XIST: variants seen among roughly 807,000 people sequenced by gnomAD.
The protein encoded by XIST is X inactive specific transcript, also known as X inactive specific transcript (non-protein coding).
At chrX:73,822,735 A>G in exon 6 of XIST, 1 of 547,307 alleles carries the variant, frequency 1.8e-6, no homozygotes, top group Non-Finnish European at 3.3e-6. Flanking sequence ...TGGAGCAGAT[A>G]TATTTCATTT....
exon 1 of XIST, chrX:73,851,659 G>A (rs762143119): frequency 1.8e-6 from 1 of 558,640 alleles, no homozygotes; most frequent in Non-Finnish European, 3.2e-6. Context: ...CAACAATCAC[G>A]CAAAGCTCCT....
chrX:73,838,824 C>T (rs972450909), intron 1 of XIST, among the ~76,000 whole-genome samples: 2 of 111,454 alleles, frequency 1.8e-5, no homozygotes, highest in Non-Finnish European at 3.8e-5. Flanking sequence ...GTGTAAAATG[C>T]TACTTGCCTA....
At chrX:73,845,467 G>C (rs770877137) in exon 1 of XIST, 20 of 549,865 alleles carry the variant, frequency 3.6e-5, no homozygotes, top group Non-Finnish European at 2.6e-5. Context: ...AAATGTAAGG[G>C]TATATGGAGT....
exon 1 of XIST, chrX:73,842,558 T>C (rs926895953): frequency 1.8e-6 from 1 of 558,749 alleles, no homozygotes; most frequent in African/African-American, 2.2e-5. Flanking sequence ...TAGTCAACAC[T>C]GCACCAACAC....
At chrX:73,846,875 CAA>C in exon 1 of XIST, 1 of 558,912 alleles carries the variant, frequency 1.8e-6, no homozygotes. Context: ...TGCAATAAAG[CAA>C]AGAGGGTGTG....
exon 1 of XIST, chrX:73,848,118 C>A (rs778851895): frequency 3.6e-6 from 2 of 558,606 alleles, no homozygotes; most frequent in Non-Finnish European, 6.5e-6. Context: ...GTGATTAGCA[C>A]CCTCTACTGT....
At chrX:73,842,351 T>C in exon 1 of XIST, 1 of 553,391 alleles carries the variant, frequency 1.8e-6, no homozygotes, top group Non-Finnish European at 3.3e-6. Context: ...TAGTGTACAC[T>C]GGAAACACAA....
At chrX:73,848,042 G>C in exon 1 of XIST, 2 of 559,301 alleles carry the variant, frequency 3.6e-6, no homozygotes, top group Non-Finnish European at 6.5e-6. Context: ...AGTGAGTGGG[G>C]TCTTTAGTGC....
chrX:73,832,801 C>T (rs773894521), intron 3 of XIST, among the ~76,000 whole-genome samples: 1 of 110,717 alleles, frequency 9.0e-6, no homozygotes, highest in Non-Finnish European at 1.9e-5. Context: ...TGAAACAGGC[C>T]GAACTCATTA....
chrX:73,843,911 A>T, exon 1 of XIST: 1 of 557,883 alleles, frequency 1.8e-6, no homozygotes, highest in Non-Finnish European at 3.2e-6. Flanking sequence ...ATCTACTGAC[A>T]AAGACAAAAG....
chrX:73,839,483 G>A (rs769510074), intron 1 of XIST, among the ~76,000 whole-genome samples: 3 of 111,200 alleles, frequency 2.7e-5, no homozygotes, highest in South Asian at 3.8e-4. Context: ...TAGCAGTCTC[G>A]AGATGGTCAG....
exon 1 of XIST, chrX:73,846,332 G>T: frequency 1.8e-6 from 1 of 558,574 alleles, no homozygotes; most frequent in South Asian, 2.2e-5. Flanking sequence ...TACGCACCTT[G>T]ACTGTCCAAA....
At chrX:73,852,679 T>A (rs772667938) in exon 1 of XIST, 2 of 460,941 alleles carry the variant, frequency 4.3e-6, no homozygotes, top group African/African-American at 5.0e-5. Context: ...AGATCTTCAG[T>A]CAGGAAGCTT....
chrX:73,841,877 TAAGTAG>T (rs1245741775), exon 1 of XIST: 2 of 513,823 alleles, frequency 3.9e-6, no homozygotes, highest in African/African-American at 4.6e-5. Context: ...CTTCTTGAAA[TAAGTAG>T]GGGCAGGTGC....
At chrX:73,850,683 G>C (rs747134966) in exon 1 of XIST, 1 of 281,496 alleles carries the variant, frequency 3.6e-6, no homozygotes, top group South Asian at 3.5e-5. Context: ...GCAGACCAGA[G>C]GGGGGTAGGG....
rs142608576 is a variant in XIST at position 73,826,418 on chromosome X, G to A, written n.13483C>T. On this transcript the variant is annotated non_coding_transcript_exon_variant, in exon 6 of 6. Coordinates refer to ENST00000429829, the Ensembl canonical transcript of XIST. ...GGTGTCTCTCTCAAGTGGAGAAGATGTGAATAGAAACAGAAGTTTACAAAA... is the reference window on the plus strand; with the variant it reads ...GGTGTCTCTCTCAAGTGGAGAAGATATGAATAGAAACAGAAGTTTACAAAA... 63 of 556,069 alleles carry A rather than the reference G, an allele frequency of 1.1e-4. 1 individual carries two copies. Among genetic ancestry groups the A allele is most frequent in the Middle Eastern group, 3.1e-4 (1 of 3,247 alleles). The allele number at this position is 556,069 out of a possible 1,213,427, so 45.8% of individuals were successfully genotyped here.
exon 6 of XIST, chrX:73,827,098 T>C (rs745957634): frequency 5.4e-6 from 3 of 558,856 alleles, no homozygotes; most frequent in Non-Finnish European, 6.5e-6. Context: ...CTTTGGGCCT[T>C]CTATCCATAT....
intron 5 of XIST, chrX:73,828,787 T>C (rs1922319228): frequency 1.5e-5 from 3 of 194,834 alleles, no homozygotes; most frequent in Non-Finnish European, 2.8e-5. Flanking sequence ...CTTCTCAACG[T>C]TTAAGGCTCT....
exon 1 of XIST, chrX:73,845,647 G>A: frequency 1.8e-6 from 1 of 557,608 alleles, no homozygotes; most frequent in South Asian, 2.2e-5. Context: ...GCATCTGAGA[G>A]TAGGACCTTA....
Sources: allele counts gnomAD v4.1 joint callset (sites outside exome capture counted in the v4.1 genomes callset), GRCh38; gene constraint gnomAD v4.1.1; transcripts MANE v1.5; gene names NCBI Gene and HGNC (gene_info 2026-07-23, HGNC 2026-07-21).